PCDH7: variants seen among roughly 807,000 people sequenced by gnomAD.
PCDH7 encodes protocadherin 7.
Under a neutral mutation model 58.9 loss-of-function variants are expected in PCDH7, and 17 were observed. The observed-to-expected ratio is 0.29, with a 90% CI of 0.20 to 0.43. The LOEUF (loss-of-function observed/expected upper bound fraction) is 0.43, where lower values mean the gene tolerates loss of function less well. Ranked by LOEUF, PCDH7 falls within the 20% of genes least tolerant of loss-of-function variation. The pLI, the probability that PCDH7 is intolerant of heterozygous loss-of-function variation, is 1.00. For missense variants in PCDH7, 1,274 were observed against 1,441.0 expected, an observed-to-expected ratio of 0.88 and a Z score of 1.88; for synonymous variants, 664 against 616.4, an observed-to-expected ratio of 1.08 and a Z score of -1.14.
At chr4:30,748,762 G>T (rs1718102712) in intron 1 of PCDH7, among the ~76,000 whole-genome samples, 2 of 152,068 alleles carry the variant, frequency 1.3e-5, no homozygotes. Context: ...GCCATTCAGG[G>T]GTGTTGTGAG....
chr4:30,826,972 C>T (rs1229572415), intron 1 of PCDH7, among the ~76,000 whole-genome samples: 1 of 152,080 alleles, frequency 6.6e-6, no homozygotes, highest in Non-Finnish European at 1.5e-5. Context: ...TGAATCTTCC[C>T]AGTGCTACTC....
intron 3 of PCDH7, among the ~76,000 whole-genome samples, chr4:30,998,125 C>A (rs971341542): frequency 4.6e-5 from 7 of 152,026 alleles, no homozygotes; most frequent in African/African-American, 1.7e-4. Flanking sequence ...ACTTATATTA[C>A]AAGAGTTCTA....
At chr4:31,058,940 C>T (rs777315196) in intron 3 of PCDH7, among the ~76,000 whole-genome samples, 2 of 151,898 alleles carry the variant, frequency 1.3e-5, no homozygotes, top group East Asian at 3.9e-4. Context: ...AACTGACTGC[C>T]GATCTAAAAC....
chr4:30,854,762 T>C (rs533419484), intron 1 of PCDH7, among the ~76,000 whole-genome samples: 2 of 152,122 alleles, frequency 1.3e-5, no homozygotes, highest in East Asian at 1.9e-4. Flanking sequence ...TTGGTTACCA[T>C]GGATATTAGT....
chr4:30,950,001 G>C (rs1195002936), intron 2 of PCDH7: 1 of 152,466 alleles, frequency 6.6e-6, no homozygotes. Flanking sequence ...TTTTTTTAAA[G>C]AAAGCAAACA....
At chr4:30,870,670 A>C (rs1031048241) in intron 1 of PCDH7, among the ~76,000 whole-genome samples, 44 of 152,064 alleles carry the variant, frequency 2.9e-4, no homozygotes, top group Non-Finnish European at 4.0e-4. Flanking sequence ...AATAGCACCA[A>C]TTGGTTTCCC....
exon 2 of PCDH7, chr4:30,732,604 A>T (rs1715672422): frequency 6.6e-6 from 1 of 152,176 alleles, no homozygotes; most frequent in Admixed American, 6.5e-5. Flanking sequence ...CATCACCCAT[A>T]GTAAGAGTAA....
chr4:31,122,694 T>C (rs966649799), intron 3 of PCDH7, among the ~76,000 whole-genome samples: 1 of 152,188 alleles, frequency 6.6e-6, no homozygotes, highest in Admixed American at 6.6e-5. Flanking sequence ...ACATTCTCTT[T>C]AATTTTCTCA....
At chr4:31,049,935 C>G (rs550201758) in intron 3 of PCDH7, among the ~76,000 whole-genome samples, 1 of 152,136 alleles carries the variant, frequency 6.6e-6, no homozygotes, top group African/African-American at 2.4e-5. Context: ...AGCCTAAAAG[C>G]TGAAAGGGGT....
intron 1 of PCDH7, among the ~76,000 whole-genome samples, chr4:30,758,701 G>A (rs1204463069): frequency 6.6e-6 from 1 of 152,116 alleles, no homozygotes; most frequent in East Asian, 1.9e-4. Context: ...AGCATGGCTG[G>A]GAATGCAGGT....
Position 30,894,150 on chromosome 4 carries a change from C to T in PCDH7, c.71-26003C>T, listed in dbSNP as rs150679919. Among the ~76,000 whole-genome samples the T allele has an allele frequency of 2.6e-5, 4 of 152,082 alleles. No homozygotes were observed. The East Asian group carries it at 7.7e-4, about 29-fold the overall frequency. ...ACCTTGTATTCTGAAGGATTATCTC[C>T]AGTGAAACTGTGGGACCTCCAGTGC... On this transcript the variant is annotated intron_variant, in intron 1 of 3. Transcript: ENST00000509759.
At chr4:30,865,628 T>G (rs765776433) in intron 1 of PCDH7, among the ~76,000 whole-genome samples, 1 of 152,098 alleles carries the variant, frequency 6.6e-6, no homozygotes, top group Admixed American at 6.6e-5. Flanking sequence ...TAAATATTCT[T>G]AATAATTTAC....
chr4:30,936,549 T>C (rs1332874886), intron 2 of PCDH7, among the ~76,000 whole-genome samples: 1 of 152,150 alleles, frequency 6.6e-6, no homozygotes, highest in Non-Finnish European at 1.5e-5. Flanking sequence ...ATTGTCTCAT[T>C]GTTTAAGGCC....
intron 1 of PCDH7, among the ~76,000 whole-genome samples, chr4:30,817,212 A>C (rs955058380): frequency 2.6e-5 from 4 of 152,318 alleles, no homozygotes; most frequent in African/African-American, 9.6e-5. Flanking sequence ...GACCTTAAGC[A>C]GGTCATCTCA....
At chr4:30,911,343 C>T (rs1435014993) in intron 1 of PCDH7, among the ~76,000 whole-genome samples, 1 of 124,560 alleles carries the variant, frequency 8.0e-6, no homozygotes, top group East Asian at 2.6e-4. Flanking sequence ...AAAAAAAGAA[C>T]TACTAGAACA....
At chr4:31,140,040 G>A (rs1393102627) in intron 3 of PCDH7, among the ~76,000 whole-genome samples, 2 of 152,162 alleles carry the variant, frequency 1.3e-5, no homozygotes, top group Admixed American at 1.3e-4. Context: ...AGACTGTGAA[G>A]TAAAGACTGA....
intron 1 of PCDH7, among the ~76,000 whole-genome samples, chr4:30,853,963 A>T (rs903279299): frequency 6.6e-6 from 1 of 152,036 alleles, no homozygotes; most frequent in Non-Finnish European, 1.5e-5. Context: ...GTGGCAATTA[A>T]CATTTCAAGG....
chr4:30,741,350 A>G (rs1386290159), intron 1 of PCDH7, among the ~76,000 whole-genome samples: 5 of 139,174 alleles, frequency 3.6e-5, no homozygotes, highest in African/African-American at 1.3e-4. Context: ...GCCACCATAT[A>G]TGGCTAGTTA....
At chr4:30,765,662 C>A (rs958935850) in intron 1 of PCDH7, among the ~76,000 whole-genome samples, 10 of 152,036 alleles carry the variant, frequency 6.6e-5, no homozygotes, top group African/African-American at 2.4e-4. Context: ...AATTGTAAAT[C>A]CTATGGTGTA....
Sources: allele counts gnomAD v4.1 joint callset (sites outside exome capture counted in the v4.1 genomes callset), GRCh38; gene constraint gnomAD v4.1.1; transcripts MANE v1.5; gene names NCBI Gene and HGNC (gene_info 2026-07-23, HGNC 2026-07-21).